PDE8A: variants seen among roughly 807,000 people sequenced by gnomAD.
PDE8A encodes phosphodiesterase 8A, also known as high affinity cAMP-specific and IBMX-insensitive 3',5'-cyclic phosphodiesterase 8A.
A neutral mutation model predicts 105.0 loss-of-function variants in PDE8A; 59 were observed. The observed-to-expected ratio is 0.56, with a 90% CI of 0.46 to 0.70. The LOEUF is 0.70. PDE8A is among the 30% of genes least tolerant of loss of function. The pLI is 0.00. For synonymous variants in PDE8A, 355 were observed against 371.9 expected (o/e 0.95, Z 0.52); for missense variants, 1,014 against 1,045.9 (o/e 0.97, Z 0.42).
chr15:85,103,831 C>T (rs2081905307), intron 11 of PDE8A, among the ~76,000 whole-genome samples: 1 of 152,156 alleles, frequency 6.6e-6, no homozygotes, highest in Non-Finnish European at 1.5e-5. Context: ...ATAGCTTCTT[C>T]ACACCTCGCT....
chr15:85,038,632 G>C (rs1002639199), intron 1 of PDE8A, among the ~76,000 whole-genome samples: 2 of 151,950 alleles, frequency 1.3e-5, no homozygotes, highest in Non-Finnish European at 2.9e-5. Flanking sequence ...TATAAGAACC[G>C]CAAACTACTA....
rs117384144 is a variant in PDE8A, at chr15:85,091,077, T to A, written c.748T>A (p.Tyr250Asn). The A allele has an allele frequency of 4.5e-5, 73 of 1,612,344 alleles. 1 individual carries two copies. The East Asian group carries it at 9.6e-4, about 21-fold the overall frequency. Reference protein sequence around the residue: ...ANPAFETTMGYQSGELIGKEL... With the variant: ...ANPAFETTMGNQSGELIGKEL... ...TCCTGCATTTGAAACAACAATGGGC[T>A]ATCAGTCAGGTGAATTAATAGGGAA... Residue 250 changes from tyrosine to asparagine, a missense_variant, in exon 8 of 22, where the codon TAT becomes AAT. Transcript: ENST00000394553.
rs146636539 is a variant in PDE8A at position 85,120,942 on chromosome 15, G to A, written c.1880G>A (p.Ser627Asn). Reference protein sequence around the residue: ...ILYNDTAVLESHHAALAFQLT... With the variant: ...ILYNDTAVLENHHAALAFQLT... ...TACAATGACACTGCTGTGCTGGAGA[G>A]CCACCATGCGGCCTTGGCCTTCCAG... Residue 627 changes from serine to asparagine, a missense_variant, in exon 18 of 22, where the codon AGC becomes AAC. By Grantham distance (46) the Ser-to-Asn change is conservative (BLOSUM62 1). Transcript: ENST00000394553. 54 of 1,614,008 alleles carry A rather than the reference G, an allele frequency of 3.3e-5. No individual in the cohort carries two copies. The highest frequency in any genetic ancestry group is 4.3e-5 in the Non-Finnish European group (51 of 1,180,002).
At chr15:85,116,361 C>A (rs1336801486) in intron 16 of PDE8A, 9 of 494,374 alleles carry the variant, frequency 1.8e-5, no homozygotes, top group Non-Finnish European at 3.2e-5. Context: ...CCAAGTAGCA[C>A]AGGACTTTTT....
chr15:85,018,385 C>G (rs2080364492), intron 1 of PDE8A, among the ~76,000 whole-genome samples: 1 of 152,126 alleles, frequency 6.6e-6, no homozygotes, highest in African/African-American at 2.4e-5. Context: ...TGTGGTTGAT[C>G]TGCATTCTGT....
At chr15:85,022,617 C>G (rs965900915) in intron 1 of PDE8A, among the ~76,000 whole-genome samples, 1 of 150,804 alleles carries the variant, frequency 6.6e-6, no homozygotes, top group Non-Finnish European at 1.5e-5. Flanking sequence ...GGCGTGATCT[C>G]AGCTCACTGC....
chr15:85,100,442 C>G (rs1567285315), intron 11 of PDE8A, among the ~76,000 whole-genome samples: 1 of 152,234 alleles, frequency 6.6e-6, no homozygotes, highest in Non-Finnish European at 1.5e-5. Context: ...AAATGGTCAA[C>G]TGAAATGCAT....
At position 85,100,082 on chromosome 15, in the gene PDE8A, C is replaced by A. The variant is rs760806009; in HGVS notation, c.993+16C>A. The A allele has an allele frequency of 6.2e-7, 1 of 1,613,334 alleles. No individual in the cohort carries two copies. Among genetic ancestry groups the A allele is most frequent in the South Asian group, 1.1e-5 (1 of 90,960 alleles). On this transcript the variant is annotated intron_variant, in intron 10 of 21. Coordinates refer to ENST00000394553, the MANE Select transcript of PDE8A (RefSeq NM_002605.3). Reference sequence around the variant, plus strand: ...CAACAATAAGGTACGTAAGGAGAGCCCCCCGGGGCCCCAGGAACACCCCAG... The same window carrying A: ...CAACAATAAGGTACGTAAGGAGAGCACCCCGGGGCCCCAGGAACACCCCAG...
intron 5 of PDE8A, among the ~76,000 whole-genome samples, chr15:85,082,158 G>A (rs2081477305): frequency 6.6e-6 from 1 of 152,230 alleles, no homozygotes; most frequent in East Asian, 1.9e-4. Flanking sequence ...GGCTGATGGA[G>A]GTGTGGACAG....
chr15:85,054,059 G>A (rs927925391), intron 1 of PDE8A, among the ~76,000 whole-genome samples: 3 of 152,208 alleles, frequency 2.0e-5, no homozygotes, highest in Non-Finnish European at 4.4e-5. Flanking sequence ...GGCCTTTTCT[G>A]CATCTATTGA....
chr15:85,082,015 G>C (rs1338622973), intron 5 of PDE8A, among the ~76,000 whole-genome samples: 1 of 152,104 alleles, frequency 6.6e-6, no homozygotes, highest in Non-Finnish European at 1.5e-5. Context: ...GAGGACCCCT[G>C]TCTATCTCAA....
intron 9 of PDE8A, among the ~76,000 whole-genome samples, 196 bp downstream of exon 9, chr15:85,098,232 C>G (rs796414100): frequency 2.0e-5 from 3 of 152,296 alleles, no homozygotes; most frequent in African/African-American, 7.2e-5. Flanking sequence ...CAGCCCAGAG[C>G]CAACATACTC....
At chr15:85,047,454 C>T (rs2080904551) in intron 1 of PDE8A, among the ~76,000 whole-genome samples, 1 of 152,078 alleles carries the variant, frequency 6.6e-6, no homozygotes, top group Non-Finnish European at 1.5e-5. Context: ...CCATAGAGGT[C>T]CTGAGAGCCG....
intron 1 of PDE8A, among the ~76,000 whole-genome samples, chr15:85,018,981 A>C (rs967360509): frequency 1.3e-5 from 2 of 152,130 alleles, no homozygotes; most frequent in Non-Finnish European, 2.9e-5. Flanking sequence ...GTATTTTTGC[A>C]TCATGTAGAA....
At chr15:85,041,144 A>G (rs2080801575) in intron 1 of PDE8A, among the ~76,000 whole-genome samples, 1 of 152,200 alleles carries the variant, frequency 6.6e-6, no homozygotes, top group South Asian at 2.1e-4. Flanking sequence ...GTTCCTGAAC[A>G]TCAGATGCTA....
At chr15:85,028,536 A>C (rs2080556982) in intron 1 of PDE8A, among the ~76,000 whole-genome samples, 1 of 152,188 alleles carries the variant, frequency 6.6e-6, no homozygotes, top group South Asian at 2.1e-4. Context: ...TTTGAAAACA[A>C]AAAATTTTTG....
intron 1 of PDE8A, among the ~76,000 whole-genome samples, chr15:85,013,555 TA>T (rs2080274386): frequency 6.6e-6 from 1 of 152,246 alleles, no homozygotes. Flanking sequence ...GGATTGTCTG[TA>T]ATTACTCAAC....
chr15:85,107,303 T>C (rs897412641), intron 11 of PDE8A, among the ~76,000 whole-genome samples: 1 of 152,208 alleles, frequency 6.6e-6, no homozygotes. Flanking sequence ...GCAGACCTCA[T>C]AGGACTCTGG....
chr15:85,092,313 A>AT (rs1168105092), intron 8 of PDE8A, among the ~76,000 whole-genome samples: 1 of 144,062 alleles, frequency 6.9e-6, no homozygotes, highest in Non-Finnish European at 1.5e-5. Flanking sequence ...TCTGTCAAGG[A>AT]TTTTTTTTGT....
Sources: gnomAD v4.1 joint callset for allele counts (sites outside exome capture counted in the v4.1 genomes callset) on GRCh38, gnomAD v4.1.1 for gene constraint, MANE v1.5 for transcripts, NCBI Gene and HGNC (gene_info 2026-07-23, HGNC 2026-07-21) for gene names.